Variants in RBPMS observed in about 807,000 individuals in gnomAD.
RBPMS encodes RNA binding protein, mRNA processing factor, also known as RNA-binding protein with multiple splicing.
RBPMS carries 7 observed loss-of-function variants against 26.8 expected under a neutral mutation model. The ratio of observed to expected loss-of-function variants is 0.26; its 90% CI spans 0.15 to 0.49. RBPMS has a LOEUF of 0.49. Ranked by LOEUF, RBPMS falls within the 20% of genes least tolerant of loss-of-function variation. The probability of loss-of-function intolerance (pLI) is 0.98; values close to 1 mark genes in which losing one functional copy is unlikely to be tolerated. For synonymous variants in RBPMS, 96 were observed against 93.3 expected (o/e 1.03, Z -0.17); for missense variants, 186 against 250.0 (o/e 0.74, Z 1.73).
chr8:30,545,567 C>G (rs897999730), intron 6 of RBPMS: 6 of 458,338 alleles, frequency 1.3e-5, no homozygotes, highest in African/African-American at 2.1e-5. Context: ...TTTTCGTTTG[C>G]CTGTTTTGCT....
At chr8:30,547,978 A>G (rs990745053) in intron 6 of RBPMS, among the ~76,000 whole-genome samples, 3 of 152,222 alleles carry the variant, frequency 2.0e-5, no homozygotes, top group Non-Finnish European at 4.4e-5. Context: ...AAGTAAGGAT[A>G]CTTATTTGCC....
chr8:30,431,357 C>CTT (rs1554511903), intron 1 of RBPMS, among the ~76,000 whole-genome samples: 3 of 148,232 alleles, frequency 2.0e-5, no homozygotes, highest in South Asian at 2.2e-4. Context: ...TTTTTTCTTT[C>CTT]TCTTTCTTTC....
At chr8:30,558,567 G>A (rs1035550907) in intron 6 of RBPMS, 3 of 456,886 alleles carry the variant, frequency 6.6e-6, no homozygotes, top group East Asian at 4.3e-5. Flanking sequence ...AAAGGAATTC[G>A]CTGTGCCGGA....
At chr8:30,430,367 A>C (rs1242368444) in intron 1 of RBPMS, among the ~76,000 whole-genome samples, 1 of 152,204 alleles carries the variant, frequency 6.6e-6, no homozygotes, top group East Asian at 1.9e-4. Flanking sequence ...TCTTGGTTCT[A>C]TTCTGTAACA....
intron 5 of RBPMS, among the ~76,000 whole-genome samples, chr8:30,509,956 A>C (rs1454851358): frequency 6.6e-6 from 1 of 152,220 alleles, no homozygotes; most frequent in Non-Finnish European, 1.5e-5. Flanking sequence ...TTATCCTTAC[A>C]CACCTTTTAA....
intron 7 of RBPMS, among the ~76,000 whole-genome samples, chr8:30,560,928 T>C (rs1461151851): frequency 6.6e-6 from 1 of 152,180 alleles, no homozygotes; most frequent in East Asian, 1.9e-4. Context: ...TGCTCATTAA[T>C]CTGTGATGAT....
At chr8:30,489,524 A>G (rs1819153376) in intron 4 of RBPMS, among the ~76,000 whole-genome samples, 1 of 151,614 alleles carries the variant, frequency 6.6e-6, no homozygotes, top group Non-Finnish European at 1.5e-5. Context: ...GGCTCACTGC[A>G]ACCTCTGCCT....
At chr8:30,565,436 G>C (rs1354623485) in intron 7 of RBPMS, 1 of 152,246 alleles carries the variant, frequency 6.6e-6, no homozygotes, top group Non-Finnish European at 1.5e-5. Context: ...GACACGGCCT[G>C]TCTGCAGGGA....
intron 4 of RBPMS, among the ~76,000 whole-genome samples, chr8:30,483,182 A>G (rs1356551352): frequency 6.6e-6 from 1 of 152,212 alleles, no homozygotes; most frequent in Non-Finnish European, 1.5e-5. Flanking sequence ...AGATCTCTGT[A>G]ATGACCTGTT....
Position 30,568,952 on chromosome 8 carries a change from C to T in RBPMS, c.*112-1685C>T, listed in dbSNP as rs1267621666. On this transcript the variant is annotated intron_variant, in intron 8 of 8. Transcript: ENST00000397323. The stretch of plus-strand genomic sequence containing the variant: ...GCCCAGAAAACCAGACTTGCTCCCG[C>T]CCTCCTCCTGCCTATGTTCCTTCTC... Among the ~76,000 whole-genome samples, 3 of 149,966 alleles carry T rather than the reference C, an allele frequency of 2.0e-5. No homozygotes were observed. The East Asian group carries it at 5.8e-4, about 29-fold the overall frequency.
At chr8:30,477,910 CT>C (rs1224681477) in intron 3 of RBPMS, 73 bp downstream of exon 3, 10 of 1,019,900 alleles carry the variant, frequency 9.8e-6, no homozygotes, top group African/African-American at 1.6e-5. Context: ...GCTTGACATT[CT>C]TTTTTTATTC....
Position 30,434,996 on chromosome 8 carries a change from ACATCCATCCATC to A in RBPMS, c.67-39749_67-39738del, listed in dbSNP as rs113850134. On this transcript the variant is annotated intron_variant, in intron 1 of 8. Coordinates refer to ENST00000397323, the MANE Select transcript of RBPMS (RefSeq NM_001008710.3). ...TCTGAAGGATGAACTTCCAAAGAAG[ACATCCATCCATC>A]CATCCATCCATCCATCCATCCATCC... 2.4e-3 allele frequency among the ~76,000 whole-genome samples: 357 copies of A among 150,502 alleles called. 3 individuals are homozygous for A. The highest frequency in any genetic ancestry group is 0.013 in the Admixed American group (194 of 15,078).
chr8:30,422,704 A>G (rs1176286785), intron 1 of RBPMS, among the ~76,000 whole-genome samples: 1 of 152,148 alleles, frequency 6.6e-6, no homozygotes, highest in Admixed American at 6.6e-5. Flanking sequence ...TAGATACCTG[A>G]GTGTGGATTT....
intron 1 of RBPMS, among the ~76,000 whole-genome samples, chr8:30,429,680 C>A (rs1465274455): frequency 6.6e-6 from 1 of 152,138 alleles, no homozygotes; most frequent in Non-Finnish European, 1.5e-5. Flanking sequence ...GGAGCCATTT[C>A]CTTTCATGTT....
At chr8:30,434,660 C>T (rs1020722942) in intron 1 of RBPMS, among the ~76,000 whole-genome samples, 4 of 149,786 alleles carry the variant, frequency 2.7e-5, no homozygotes, top group Admixed American at 1.3e-4. Context: ...GCGGAGATGG[C>T]ACCACTGCAC....
chr8:30,392,368 C>T (rs1807883908), intron 1 of RBPMS, among the ~76,000 whole-genome samples: 1 of 152,034 alleles, frequency 6.6e-6, no homozygotes. Flanking sequence ...TCAAAAGACC[C>T]TTTTGGGGAA....
chr8:30,474,158 G>A (rs1479400103), intron 1 of RBPMS, among the ~76,000 whole-genome samples: 1 of 152,098 alleles, frequency 6.6e-6, no homozygotes, highest in African/African-American at 2.4e-5. Context: ...TGCTGTTTTG[G>A]AACCGAACAG....
chr8:30,457,819 GC>G (rs1815407242), intron 1 of RBPMS, among the ~76,000 whole-genome samples: 1 of 151,960 alleles, frequency 6.6e-6, no homozygotes, highest in African/African-American at 2.4e-5. Flanking sequence ...CTCGTGATCT[GC>G]CCACCTCAGC....
rs955190521 is a variant in RBPMS at position 30,571,278 on chromosome 8, C to A, written c.*753C>A. On this transcript the variant is annotated 3_prime_UTR_variant, in exon 9 of 9. Transcript: ENST00000397323. Reference sequence around the variant, plus strand: ...ATTGGTAAGAACTGCTGAGTGTGCCCTTAGAAAGCCCTAGTAGCTCCAGCT... The same window carrying A: ...ATTGGTAAGAACTGCTGAGTGTGCCATTAGAAAGCCCTAGTAGCTCCAGCT... 2.0e-5 allele frequency: 3 copies of A among 152,214 alleles called. No individual in the cohort carries two copies. The allele number at this position is 152,214 out of a possible 1,614,324, so 9.4% of individuals were successfully genotyped here.
Sources: gnomAD v4.1 joint callset for allele counts (sites outside exome capture counted in the v4.1 genomes callset) on GRCh38, gnomAD v4.1.1 for gene constraint, MANE v1.5 for transcripts, NCBI Gene and HGNC (gene_info 2026-07-23, HGNC 2026-07-21) for gene names.